Variants in NBPF26 observed in about 807,000 individuals in gnomAD.
The protein encoded by NBPF26 is NBPF member 26, also known as NBPF family member NBPF26.
A neutral mutation model predicts 119.6 loss-of-function variants in NBPF26; 79 were observed. The ratio of observed to expected loss-of-function variants is 0.66; its 90% CI spans 0.55 to 0.80. NBPF26 has a LOEUF of 0.80. Ranked by LOEUF, NBPF26 falls within the 30% of genes least tolerant of loss-of-function variation. The pLI is 0.00. For missense variants in NBPF26, 800 were observed against 1,198.2 expected (o/e 0.67, Z 4.91); for synonymous variants, 299 against 457.7 (o/e 0.65, Z 4.43).
chr1:120,810,729 C>T lies in NBPF26; in HGVS notation c.1564+171C>T, dbSNP rs1321420996. 2.6e-4 allele frequency among the ~76,000 whole-genome samples: 30 copies of T among 113,210 alleles called. 5 individuals carry two copies. The highest frequency in any genetic ancestry group is 1.2e-3 in the Admixed American group (14 of 12,112). The allele number at this position is 113,210 out of a possible 152,430, so 74.3% of individuals were successfully genotyped here. On this transcript the variant is annotated intron_variant, in intron 9 of 29. Transcript: ENST00000620612. ...AGCACTTTGGAAGGCCCAAGTGGGA[C>T]GATGACTTGAGTTCAGGAGTTGAAG...
At chr1:120,752,587 T>TC (rs1651036424) in intron 1 of NBPF26, among the ~76,000 whole-genome samples, 2 of 40,234 alleles carry the variant, frequency 5.0e-5, no homozygotes, top group African/African-American at 2.6e-4. Context: ...TTTTTTTTTT[T>TC]TCAGGCAGAG....
intron 4 of NBPF26, among the ~76,000 whole-genome samples, chr1:120,794,246 G>T (rs1651530509): frequency 8.8e-6 from 1 of 113,442 alleles, no homozygotes; most frequent in Admixed American, 8.5e-5. Context: ...CAGTGTCGGG[G>T]AGCTTGGGGC....
At chr1:120,825,273 C>T (rs1364347796) in intron 18 of NBPF26, among the ~76,000 whole-genome samples, 5 of 122,426 alleles carry the variant, frequency 4.1e-5, no homozygotes, top group East Asian at 2.1e-4. Context: ...GTGTGTCACC[C>T]GGCCAATTCA....
At chr1:120,840,585 C>A (rs1553273578) in exon 30 of NBPF26, 31,444 of 1,460,288 alleles carry the variant, frequency 0.022, 7,187 homozygotes, top group African/African-American at 0.16. Flanking sequence ...AGTCATATTC[C>A]CACAATAAGC....
chr1:120,805,159 T>C lies in NBPF26; in HGVS notation c.752-397T>C, dbSNP rs1294198477. Among the ~76,000 whole-genome samples, 2 of 120,448 alleles carry C rather than the reference T, an allele frequency of 1.7e-5. 1 individual carries two copies. Among genetic ancestry groups the C allele is most frequent in the Non-Finnish European group, 3.2e-5 (2 of 61,542 alleles). The allele number at this position is 120,448 out of a possible 152,430, so 79.0% of individuals were successfully genotyped here. On this transcript the variant is annotated intron_variant, in intron 4 of 29. Coordinates refer to ENST00000620612, the Ensembl canonical transcript of NBPF26. Reference sequence around the variant, plus strand: ...GTACACGAATACTGAGAGTGAATGCTGAAGGAATGATCCCCATTGGTGGTG... The same window carrying C: ...GTACACGAATACTGAGAGTGAATGCCGAAGGAATGATCCCCATTGGTGGTG...
In NBPF26 at chr1:120,728,419, A is replaced by G. The variant is rs1650838949; in HGVS notation, c.73+4169A>G. On this transcript the variant is annotated intron_variant, in intron 1 of 29. Transcript: ENST00000620612. ...AATTTTTCCCTTCCCCAGATGTTTC[A>G]TTTAAACTTGTAATTTTGAATTTCT... Among the ~76,000 whole-genome samples, 6 of 110,530 alleles carry G rather than the reference A, an allele frequency of 5.4e-5. 1 individual carries two copies. The South Asian group carries it at 1.6e-3, about 30-fold the overall frequency. The allele number at this position is 110,530 out of a possible 152,430, so 72.5% of individuals were successfully genotyped here.
intron 1 of NBPF26, among the ~76,000 whole-genome samples, chr1:120,759,149 G>C (rs1404879882): frequency 1.9e-5 from 1 of 52,480 alleles, no homozygotes; most frequent in Non-Finnish European, 3.0e-5. Flanking sequence ...ATATTAGATA[G>C]CTAGTTCCCA....
intron 2 of NBPF26, among the ~76,000 whole-genome samples, chr1:120,764,327 C>T (rs1319974931): frequency 9.7e-6 from 1 of 103,572 alleles, no homozygotes; most frequent in Non-Finnish European, 1.8e-5. Flanking sequence ...CTCTTAGAGT[C>T]TCCCCTTAAC....
intron 4 of NBPF26, among the ~76,000 whole-genome samples, chr1:120,801,890 C>T (rs1176279828): frequency 2.0e-5 from 2 of 102,226 alleles, no homozygotes; most frequent in South Asian, 3.0e-4. Context: ...GAATATGATG[C>T]TGGTAGCATG....
chr1:120,806,190 T>C lies in NBPF26; in HGVS notation c.961+425T>C, dbSNP rs1265447661. Reference sequence around the variant, plus strand: ...AGGCCCAACAGGCAAAGCTCTGTTCTAGTGACTCTGAGGGGAACTTGGTGA... The same window carrying C: ...AGGCCCAACAGGCAAAGCTCTGTTCCAGTGACTCTGAGGGGAACTTGGTGA... On this transcript the variant is annotated intron_variant, in intron 5 of 29. Transcript: ENST00000620612. Among the ~76,000 whole-genome samples the C allele has an allele frequency of 7.6e-4, 93 of 121,934 alleles. 14 individuals carry two copies. The South Asian group carries it at 0.021, about 27-fold the overall frequency. 80.0% of individuals were successfully genotyped at this position (121,934 alleles called of 152,430 possible).
At chr1:120,811,940 C>T (rs1257177838) in exon 10 of NBPF26, 1 of 1,189,680 alleles carries the variant, frequency 8.4e-7, no homozygotes, top group Non-Finnish European at 1.2e-6. Flanking sequence ...TCAGCCGGCC[C>T]TTTGTCCGGC....
intron 2 of NBPF26, among the ~76,000 whole-genome samples, chr1:120,776,167 G>A (rs1651305218): frequency 8.6e-6 from 1 of 116,690 alleles, no homozygotes; most frequent in South Asian, 2.5e-4. Flanking sequence ...CTGGGAGTAT[G>A]AGAATTAATA....
At chr1:120,789,503 A>T (rs1212903887) in intron 3 of NBPF26, among the ~76,000 whole-genome samples, 3 of 113,798 alleles carry the variant, frequency 2.6e-5, no homozygotes, top group Non-Finnish European at 5.0e-5. Context: ...GCAAAAGCAG[A>T]ACCCCTGAGG....
rs1169863739 is a variant in NBPF26 at position 120,805,532 on chromosome 1, T to A, written c.752-24T>A. 1.7e-6 allele frequency: 2 copies of A among 1,206,564 alleles called. 1 individual carries two copies. The highest frequency in any genetic ancestry group is 3.7e-5 in the Admixed American group (2 of 54,194). 74.7% of individuals were successfully genotyped at this position (1,206,564 alleles called of 1,614,324 possible). A position where few individuals can be genotyped will look rare whatever the true frequency, so the allele number is the denominator to read the frequency against. ...GATTTCACCAGTTTTTAACCCATCA[T>A]ATGTTTGGGTTTCTTCTCCCCAGTC... On this transcript the variant is annotated intron_variant, in intron 4 of 29. Transcript: ENST00000620612.
chr1:120,763,185 C>CG (rs1467185816), intron 1 of NBPF26, among the ~76,000 whole-genome samples: 1 of 36,994 alleles, frequency 2.7e-5, no homozygotes, highest in East Asian at 6.1e-4. Context: ...CTTCTTGAAG[C>CG]GGTCTGTTTT....
At chr1:120,752,571 TTTTC>T (rs1571022069) in intron 1 of NBPF26, among the ~76,000 whole-genome samples, 20 of 36,350 alleles carry the variant, frequency 5.5e-4, no homozygotes, top group African/African-American at 3.2e-3. Context: ...TTTTTTTTTT[TTTTC>T]TTTTTTTTTT....
Position 120,811,083 on chromosome 1 carries a change from A to G in NBPF26, c.1564+525A>G, listed in dbSNP as rs1288737799. Among the ~76,000 whole-genome samples the G allele has an allele frequency of 4.1e-5, 4 of 97,188 alleles. 1 individual carries two copies. The highest frequency in any genetic ancestry group is 2.9e-4 in the African/African-American group (4 of 13,632). The allele number at this position is 97,188 out of a possible 152,430, so 63.8% of individuals were successfully genotyped here. A position where few individuals can be genotyped will look rare whatever the true frequency, so the allele number is the denominator to read the frequency against. On this transcript the variant is annotated intron_variant, in intron 9 of 29. Transcript: ENST00000620612. ...GTGAAACCCCGTCTTTACTAAAAAT[A>G]CAAAAAAAAAAAAAATTAGCTGGGT...
chr1:120,765,695 G>A (rs1350838853), intron 2 of NBPF26, among the ~76,000 whole-genome samples: 2 of 106,396 alleles, frequency 1.9e-5, no homozygotes, highest in South Asian at 2.8e-4. Context: ...GTTTACTGCA[G>A]CACTATTTAC....
intron 5 of NBPF26, among the ~76,000 whole-genome samples, chr1:120,807,063 C>G (rs1273929987): frequency 2.3e-5 from 3 of 130,466 alleles, no homozygotes; most frequent in South Asian, 4.6e-4. Flanking sequence ...ATATTTCCTT[C>G]ATGGCCTTAT....
Sources: gnomAD v4.1 joint callset for allele counts (sites outside exome capture counted in the v4.1 genomes callset) on GRCh38, gnomAD v4.1.1 for gene constraint, MANE v1.5 for transcripts, NCBI Gene and HGNC (gene_info 2026-07-23, HGNC 2026-07-21) for gene names.